HMBOX1: variants seen among roughly 807,000 people sequenced by gnomAD.
The protein encoded by HMBOX1 is homeobox containing 1.
In HMBOX1, 14 loss-of-function variants were observed where a neutral mutation model predicts 54.5. The ratio of observed to expected loss-of-function variants is 0.26; its 90% CI spans 0.17 to 0.40. The LOEUF (loss-of-function observed/expected upper bound fraction) is 0.40. Ranked by LOEUF, HMBOX1 falls within the 10% of genes least tolerant of loss-of-function variation. The pLI, the probability that HMBOX1 is intolerant of heterozygous loss-of-function variation, is 1.00. For missense variants in HMBOX1, 332 were observed against 514.4 expected, an observed-to-expected ratio of 0.65 and a Z score of 3.43; for synonymous variants, 160 against 181.0, an observed-to-expected ratio of 0.88 and a Z score of 0.93.
intron 1 of HMBOX1, among the ~76,000 whole-genome samples, chr8:28,920,561 C>G (rs1817374950): frequency 1.3e-5 from 2 of 152,166 alleles, no homozygotes; most frequent in South Asian, 2.1e-4. Flanking sequence ...ATAGTGCCCT[C>G]ATACCCAAAT....
rs373655768 is a variant in HMBOX1, at chr8:29,001,838, CTT to C, written c.587-7232_587-7231del. On this transcript the variant is annotated intron_variant, in intron 4 of 9. Coordinates refer to ENST00000287701, the MANE Select transcript of HMBOX1 (RefSeq NM_001135726.3). Reference sequence around the variant, plus strand: ...AGAAACTCTGTGGTAAATCTTAAATCTTTAAATCTATAACCATGAGTGTACAG... The same window carrying C: ...AGAAACTCTGTGGTAAATCTTAAATCTAAATCTATAACCATGAGTGTACAG... 2.7e-3 allele frequency among the ~76,000 whole-genome samples: 404 copies of C among 152,220 alleles called. 1 individual carries two copies. Among genetic ancestry groups the C allele is most frequent in the African/African-American group, 8.9e-3 (369 of 41,546 alleles).
At chr8:28,980,301 A>G in intron 4 of HMBOX1, 145 bp downstream of exon 4, 1 of 664,450 alleles carries the variant, frequency 1.5e-6, no homozygotes, top group East Asian at 2.6e-5. Context: ...TTTAAAACCC[A>G]TTGTCTCCAA....
At chr8:28,927,348 A>C (rs1818700794) in intron 1 of HMBOX1, among the ~76,000 whole-genome samples, 1 of 152,224 alleles carries the variant, frequency 6.6e-6, no homozygotes, top group Non-Finnish European at 1.5e-5. Flanking sequence ...GTTACTATAA[A>C]GGGATATCTG....
At chr8:29,006,296 G>T (rs2132798139) in intron 4 of HMBOX1, among the ~76,000 whole-genome samples, 1 of 152,052 alleles carries the variant, frequency 6.6e-6, no homozygotes, top group South Asian at 2.1e-4. Context: ...CCTGGCCGAT[G>T]CATTCTATTA....
intron 1 of HMBOX1, among the ~76,000 whole-genome samples, chr8:28,929,943 C>T (rs1379983061): frequency 7.2e-5 from 10 of 139,444 alleles, no homozygotes; most frequent in African/African-American, 1.6e-4. Context: ...GCCCGCCCCC[C>T]GCCCCGCCAA....
intron 1 of HMBOX1, among the ~76,000 whole-genome samples, chr8:28,944,089 G>T (rs1821961753): frequency 6.6e-6 from 1 of 152,040 alleles, no homozygotes; most frequent in South Asian, 2.1e-4. Flanking sequence ...GCTAGATACT[G>T]CCCCTAGATG....
chr8:29,048,854 T>C (rs561739805), intron 8 of HMBOX1, 100 bp from the exon 9 acceptor site: 1 of 775,426 alleles, frequency 1.3e-6, no homozygotes, highest in South Asian at 1.8e-5. Flanking sequence ...CTTGTTTAAT[T>C]ACATTCTAAT....
intron 6 of HMBOX1, among the ~76,000 whole-genome samples, chr8:29,033,913 C>G (rs537171793): frequency 2.6e-5 from 4 of 152,110 alleles, no homozygotes; most frequent in Non-Finnish European, 5.9e-5. Flanking sequence ...AACTTATAGA[C>G]GAATTGGAAA....
intron 1 of HMBOX1, among the ~76,000 whole-genome samples, chr8:28,922,193 A>G (rs1817668846): frequency 6.6e-6 from 1 of 152,226 alleles, no homozygotes; most frequent in African/African-American, 2.4e-5. Context: ...TCCCTAAACA[A>G]TACAGTCAGA....
rs544849197 is a variant in HMBOX1 at position 28,897,536 on chromosome 8, C to T, written c.-58+6858C>T. Among the ~76,000 whole-genome samples, 38 of 152,086 alleles carry T rather than the reference C, an allele frequency of 2.5e-4. No individual in the cohort carries two copies. The South Asian group carries it at 6.9e-3, about 27-fold the overall frequency. On this transcript the variant is annotated intron_variant, in intron 1 of 9. Coordinates refer to ENST00000287701, the MANE Select transcript of HMBOX1 (RefSeq NM_001135726.3). Reference sequence around the variant, plus strand: ...CTAAAAATACAAAAATATAGCCGGGCGTGGTGGCACACACCTGTACTCCCA... The same window carrying T: ...CTAAAAATACAAAAATATAGCCGGGTGTGGTGGCACACACCTGTACTCCCA...
intron 1 of HMBOX1, among the ~76,000 whole-genome samples, chr8:28,924,330 C>G (rs548637231): frequency 6.6e-6 from 1 of 151,808 alleles, no homozygotes; most frequent in Non-Finnish European, 1.5e-5. Context: ...AGGATGGTCT[C>G]GATCTCCTGA....
intron 1 of HMBOX1, among the ~76,000 whole-genome samples, chr8:28,914,057 G>A (rs1029926198): frequency 9.2e-5 from 14 of 151,886 alleles, no homozygotes; most frequent in African/African-American, 3.1e-4. Context: ...TTTTAGAGAC[G>A]GGGTTTCACC....
chr8:28,934,213 A>G (rs1319171199), intron 1 of HMBOX1, among the ~76,000 whole-genome samples: 2 of 152,264 alleles, frequency 1.3e-5, no homozygotes, highest in Non-Finnish European at 2.9e-5. Flanking sequence ...AACAGACTCA[A>G]GTAGAAAAAC....
At position 29,051,076 on chromosome 8, in the gene HMBOX1, C is replaced by T. The variant is rs749707939; in HGVS notation, c.1184C>T (p.Ala395Val). Residue 395 changes from alanine to valine, a missense_variant, in exon 10 of 10, where the codon GCA (alanine) becomes GTA (valine). This residue lies in a region of HMBOX1 where 69 missense variants were observed against 104.6 expected (regional missense o/e 0.66). Transcript: ENST00000287701. ...CCCATCTCATTAGCTGTGGAAATGG[C>T]AGCAGTCAACCACACTATCTTGGCA... ...QDPISLAVEM[A>V]AVNHTILALA... is the part of the protein sequence containing the mutation. The T allele has an allele frequency of 1.9e-6, 3 of 1,613,536 alleles. No individual in the cohort carries two copies. The highest frequency in any genetic ancestry group is 2.5e-6 in the Non-Finnish European group (3 of 1,179,838).
rs28566034 is a variant in HMBOX1, at chr8:28,995,238, C to T, written c.587-13834C>T. 2.3e-3 allele frequency among the ~76,000 whole-genome samples: 355 copies of T among 152,226 alleles called. 2 individuals are homozygous for T. Among genetic ancestry groups the T allele is most frequent in the African/African-American group, 8.1e-3 (338 of 41,534 alleles). On this transcript the variant is annotated intron_variant, in intron 4 of 9. Transcript: ENST00000287701. The stretch of plus-strand genomic sequence containing the variant: ...GCAGATATACCTACAGACAAACTTC[C>T]GGACATTTCATAAGATAGAATCATA...
intron 1 of HMBOX1, among the ~76,000 whole-genome samples, chr8:28,942,445 A>G (rs1264259154): frequency 6.6e-6 from 1 of 152,218 alleles, no homozygotes; most frequent in Non-Finnish European, 1.5e-5. Context: ...ACAAAAATGT[A>G]TCCAGGGGAC....
In HMBOX1 at chr8:28,982,378, G is replaced by GGCATTA. The variant is rs549566575; in HGVS notation, c.586+2223_586+2228dup. 8.7e-4 allele frequency among the ~76,000 whole-genome samples: 132 copies of GGCATTA among 152,214 alleles called. 1 individual carries two copies. Among genetic ancestry groups the GGCATTA allele is most frequent in the Non-Finnish European group, 1.5e-3 (101 of 67,998 alleles). On this transcript the variant is annotated intron_variant, in intron 4 of 9. Transcript: ENST00000287701. ...TTACTGACTTTAACTTCAGTGGATT[G>GGCATTA]GCATTACCTCACTCAGTAATGGTCA...
chr8:28,982,891 T>A (rs988011486), intron 4 of HMBOX1, among the ~76,000 whole-genome samples: 7 of 152,152 alleles, frequency 4.6e-5, no homozygotes, highest in Non-Finnish European at 8.8e-5. Flanking sequence ...CCCAAAGTGC[T>A]GCGATTACAG....
intron 1 of HMBOX1, among the ~76,000 whole-genome samples, chr8:28,953,357 G>A (rs1223128215): frequency 7.2e-5 from 11 of 152,122 alleles, no homozygotes; most frequent in Admixed American, 7.2e-4. Context: ...GGGAAAAACT[G>A]TTTGGCATGA....
Sources: gnomAD v4.1 joint callset for allele counts (sites outside exome capture counted in the v4.1 genomes callset) on GRCh38, gnomAD v4.1.1 for gene constraint, gnomAD v4.1.1 regional missense constraint, MANE v1.5 for transcripts, NCBI Gene and HGNC (gene_info 2026-07-23, HGNC 2026-07-21) for gene names.